The following CNTN5 variants were observed in gnomAD, a reference collection of about 807,000 sequenced individuals.
The protein encoded by CNTN5 is contactin 5.
A neutral mutation model predicts 129.1 loss-of-function variants in CNTN5; 77 were observed. That is an observed-to-expected ratio of 0.60 (90% CI 0.50 to 0.72). The LOEUF (loss-of-function observed/expected upper bound fraction) is 0.72, where lower values mean the gene tolerates loss of function less well. CNTN5 is among the 30% of genes least tolerant of loss of function. CNTN5 has a pLI of 0.00. For synonymous variants in CNTN5, 509 were observed against 465.6 expected, an observed-to-expected ratio of 1.09 and a Z score of -1.20; for missense variants, 1,478 against 1,328.8, an observed-to-expected ratio of 1.11 and a Z score of -1.75.
chr11:100,112,644 G>A (rs148799930), intron 13 of CNTN5, among the ~76,000 whole-genome samples: 1 of 152,104 alleles, frequency 6.6e-6, no homozygotes, highest in East Asian at 1.9e-4. Context: ...CTCATAACTA[G>A]GGTAATAAAA....
chr11:99,939,301 T>A (rs184025969), intron 7 of CNTN5, among the ~76,000 whole-genome samples: 2 of 152,246 alleles, frequency 1.3e-5, no homozygotes, highest in Admixed American at 1.3e-4. Flanking sequence ...TATCTTGAAG[T>A]AATTTATATT....
intron 3 of CNTN5, among the ~76,000 whole-genome samples, chr11:99,758,432 T>G (rs1326851101): frequency 6.6e-6 from 1 of 152,040 alleles, no homozygotes; most frequent in Non-Finnish European, 1.5e-5. Context: ...GAATTGAAAT[T>G]TAATAAGAAA....
chr11:99,982,843 G>A (rs553670814), intron 8 of CNTN5, among the ~76,000 whole-genome samples: 64 of 152,096 alleles, frequency 4.2e-4, no homozygotes, highest in African/African-American at 1.3e-3. Context: ...GGGTTTCACC[G>A]TATTAGCCAG....
chr11:99,810,465 T>G (rs1383584673), intron 3 of CNTN5, among the ~76,000 whole-genome samples: 9 of 152,164 alleles, frequency 5.9e-5, no homozygotes, highest in Admixed American at 3.9e-4. Flanking sequence ...AATCGTGTAT[T>G]TCATCCTCTG....
At chr11:99,953,416 T>C (rs775315456) in intron 7 of CNTN5, among the ~76,000 whole-genome samples, 1 of 152,200 alleles carries the variant, frequency 6.6e-6, no homozygotes, top group Non-Finnish European at 1.5e-5. Context: ...ATGTTCTCAC[T>C]ACCAAAATTT....
intron 2 of CNTN5, among the ~76,000 whole-genome samples, chr11:99,454,450 A>G (rs2135206783): frequency 6.6e-6 from 1 of 152,242 alleles, no homozygotes; most frequent in East Asian, 1.9e-4. Flanking sequence ...TGATGGTTTT[A>G]TAAGGGTCTC....
At chr11:99,900,685 T>C (rs896933537) in intron 6 of CNTN5, among the ~76,000 whole-genome samples, 3 of 152,100 alleles carry the variant, frequency 2.0e-5, no homozygotes, top group African/African-American at 7.2e-5. Context: ...CTTGAAGAGG[T>C]CAAATGATTA....
chr11:99,277,160 T>C (rs1863480576), intron 1 of CNTN5, among the ~76,000 whole-genome samples: 2 of 151,654 alleles, frequency 1.3e-5, no homozygotes, highest in South Asian at 4.1e-4. Context: ...GGAGTTGATT[T>C]GAATTAGAAG....
intron 23 of CNTN5, among the ~76,000 whole-genome samples, chr11:100,342,696 T>A (rs1952192848): frequency 6.6e-6 from 1 of 152,192 alleles, no homozygotes; most frequent in Non-Finnish European, 1.5e-5. Flanking sequence ...GACTTTATCT[T>A]ACTTATTTCT....
At chr11:99,596,142 A>G (rs1203457302) in intron 3 of CNTN5, among the ~76,000 whole-genome samples, 2 of 152,166 alleles carry the variant, frequency 1.3e-5, no homozygotes, top group Non-Finnish European at 2.9e-5. Flanking sequence ...CTTTTGCAGG[A>G]TAGTCAAGAA....
At chr11:100,006,846 G>A (rs1940224336) in intron 9 of CNTN5, among the ~76,000 whole-genome samples, 1 of 151,998 alleles carries the variant, frequency 6.6e-6, no homozygotes, top group African/African-American at 2.4e-5. Flanking sequence ...ATTACCTATG[G>A]AATCTCTACC....
intron 3 of CNTN5, among the ~76,000 whole-genome samples, chr11:99,710,617 G>GT (rs1233064319): frequency 6.7e-6 from 1 of 150,298 alleles, no homozygotes; most frequent in African/African-American, 2.4e-5. Flanking sequence ...ATGTATGTAT[G>GT]TTTGAGTAAT....
At chr11:99,442,844 C>G (rs1287331233) in intron 2 of CNTN5, among the ~76,000 whole-genome samples, 1 of 152,146 alleles carries the variant, frequency 6.6e-6, no homozygotes, top group Non-Finnish European at 1.5e-5. Flanking sequence ...CAAAACATGA[C>G]TACTGAGAAT....
chr11:99,920,350 TGTTA>T (rs1949906351), intron 7 of CNTN5, among the ~76,000 whole-genome samples: 1 of 152,206 alleles, frequency 6.6e-6, no homozygotes, highest in Admixed American at 6.5e-5. Flanking sequence ...ACTCACACTT[TGTTA>T]GTTTTCACCT....
chr11:99,652,327 G>C (rs1051867256), intron 3 of CNTN5, among the ~76,000 whole-genome samples: 1 of 151,966 alleles, frequency 6.6e-6, no homozygotes, highest in East Asian at 1.9e-4. Flanking sequence ...TCTTCAGTTG[G>C]TTATAATAGC....
At chr11:99,231,594 T>G (rs1039308942) in intron 1 of CNTN5, among the ~76,000 whole-genome samples, 3 of 152,192 alleles carry the variant, frequency 2.0e-5, no homozygotes, top group Non-Finnish European at 4.4e-5. Flanking sequence ...TCCCATTCTG[T>G]AGGTTGTCTG....
At chr11:99,220,265 A>G (rs1591375498) in intron 1 of CNTN5, among the ~76,000 whole-genome samples, 1 of 152,046 alleles carries the variant, frequency 6.6e-6, no homozygotes, top group Non-Finnish European at 1.5e-5. Context: ...CATGATTTTT[A>G]TTAACTGGCC....
chr11:100,133,599 T>C (rs1946442081), intron 13 of CNTN5, among the ~76,000 whole-genome samples: 1 of 152,158 alleles, frequency 6.6e-6, no homozygotes, highest in Non-Finnish European at 1.5e-5. Flanking sequence ...TTAACCCTGA[T>C]GCAATTCACC....
At chr11:99,923,150 A>G (rs1223332359) in intron 7 of CNTN5, among the ~76,000 whole-genome samples, 1 of 152,228 alleles carries the variant, frequency 6.6e-6, no homozygotes, top group Admixed American at 6.5e-5. Context: ...AAAAGCTTGA[A>G]TTGACTTGAT....
Sources: allele counts gnomAD v4.1 joint callset (sites outside exome capture counted in the v4.1 genomes callset), GRCh38; gene constraint gnomAD v4.1.1; transcripts MANE v1.5; gene names NCBI Gene and HGNC (gene_info 2026-07-23, HGNC 2026-07-21).